KIF26B: variants seen among roughly 807,000 people sequenced by gnomAD.
KIF26B encodes the protein kinesin family member 26B, also known as kinesin-like protein KIF26B.
KIF26B carries 63 observed loss-of-function variants against 151.2 expected under a neutral mutation model. That is an observed-to-expected ratio of 0.42 (90% CI 0.34 to 0.51). The LOEUF (loss-of-function observed/expected upper bound fraction) is 0.51. Ranked by LOEUF, KIF26B falls within the 20% of genes least tolerant of loss-of-function variation. KIF26B has a pLI of 0.07. For missense variants in KIF26B, 2,813 were observed against 2,913.6 expected, an observed-to-expected ratio of 0.97 and a Z score of 0.79; for synonymous variants, 1,357 against 1,262.1, an observed-to-expected ratio of 1.08 and a Z score of -1.59.
At chr1:245,180,830 TTC>T (rs960331002) in intron 2 of KIF26B, among the ~76,000 whole-genome samples, 1 of 152,038 alleles carries the variant, frequency 6.6e-6, no homozygotes, top group Non-Finnish European at 1.5e-5. Flanking sequence ...TGCTGCAGGA[TTC>T]TTTTTGTTTT....
At position 245,661,646 on chromosome 1, in the gene KIF26B, AAT is replaced by A. The variant is rs1308229775; in HGVS notation, c.2258+15367_2258+15368del. Among the ~76,000 whole-genome samples the A allele has an allele frequency of 2.7e-5, 4 of 150,632 alleles. No homozygotes were observed. The East Asian group carries it at 7.8e-4, about 29-fold the overall frequency. On this transcript the variant is annotated intron_variant, in intron 10 of 14. Coordinates refer to ENST00000407071, the MANE Select transcript of KIF26B (RefSeq NM_018012.4). ...ACACACCCAATATATATATACACCC[AAT>A]GTTATATATAGACACACACACTCAA...
At chr1:245,466,852 G>T (rs1032980293) in intron 4 of KIF26B, among the ~76,000 whole-genome samples, 2 of 152,200 alleles carry the variant, frequency 1.3e-5, no homozygotes, top group African/African-American at 4.8e-5. Context: ...CTTGAACCCA[G>T]GGGACAGAGG....
intron 2 of KIF26B, among the ~76,000 whole-genome samples, chr1:245,306,192 C>T (rs12562582): frequency 0.066 from 10,069 of 152,154 alleles, 392 homozygotes; most frequent in Admixed American, 0.097. Context: ...GTGGCATGAT[C>T]TATATAATGG....
chr1:245,323,109 T>G (rs1020208340), intron 2 of KIF26B, among the ~76,000 whole-genome samples: 2 of 152,240 alleles, frequency 1.3e-5, no homozygotes, highest in Non-Finnish European at 2.9e-5. Flanking sequence ...GCCATTAATA[T>G]TTATGTTATA....
In KIF26B at chr1:245,512,042, A is replaced by T. The variant is rs553313089; in HGVS notation, c.1167-28725A>T. Among the ~76,000 whole-genome samples the T allele has an allele frequency of 6.6e-6, 1 of 152,174 alleles. No homozygotes were observed. Among genetic ancestry groups the T allele is most frequent in the Admixed American group, 6.5e-5 (1 of 15,268 alleles). On this transcript the variant is annotated intron_variant, in intron 4 of 14. Coordinates refer to ENST00000407071, the MANE Select transcript of KIF26B (RefSeq NM_018012.4). The surrounding 1 kb of genome is among the most constrained non-coding windows in gnomAD (Gnocchi z 4.3). The stretch of plus-strand genomic sequence containing the variant: ...GAGGAGGCTTTTAAGATCATAAATC[A>T]CTTAGGTAAGGTCATCAAAAGAGAT...
intron 4 of KIF26B, among the ~76,000 whole-genome samples, chr1:245,448,712 G>T (rs1659304385): frequency 6.6e-6 from 1 of 152,144 alleles, no homozygotes; most frequent in African/African-American, 2.4e-5. Context: ...CTCTCAGTTT[G>T]GTCTGGAGTT....
intron 2 of KIF26B, among the ~76,000 whole-genome samples, chr1:245,301,882 G>C (rs1278544465): frequency 1.3e-5 from 2 of 152,152 alleles, no homozygotes; most frequent in Non-Finnish European, 2.9e-5. Context: ...AGCCATTGTT[G>C]AGATGTGTAA....
rs144012489 is a variant in KIF26B at position 245,294,658 on chromosome 1, A to G, written c.466-72176A>G. Among the ~76,000 whole-genome samples, 671 of 152,060 alleles carry G rather than the reference A, an allele frequency of 4.4e-3. 3 individuals carry two copies. Among genetic ancestry groups the G allele is most frequent in the African/African-American group, 0.015 (636 of 41,480 alleles). On this transcript the variant is annotated intron_variant, in intron 2 of 14. Transcript: ENST00000407071. ...GAAAGGGTTCAGACTAGTTCTTATTATTATTACTTTTTTTTCCCTGAGACA... is the reference window on the plus strand; with the variant it reads ...GAAAGGGTTCAGACTAGTTCTTATTGTTATTACTTTTTTTTCCCTGAGACA...
At chr1:245,316,102 C>T (rs983581385) in intron 2 of KIF26B, among the ~76,000 whole-genome samples, 1 of 151,836 alleles carries the variant, frequency 6.6e-6, no homozygotes, top group African/African-American at 2.4e-5. Flanking sequence ...AGGAAAATTG[C>T]TGAGACTGAG....
rs138242980 is a variant in KIF26B at position 245,252,576 on chromosome 1, A to G, written c.465+95893A>G. Among the ~76,000 whole-genome samples the G allele has an allele frequency of 3.1e-4, 47 of 152,230 alleles. No homozygotes were observed. In the Middle Eastern group the frequency reaches 0.01, roughly 33 times the overall value. ...ACTGAACTCTTTTATTAAGTCTAAT[A>G]CCTTGTGGATCCTCTTGAATATTCC... On this transcript the variant is annotated intron_variant, in intron 2 of 14. Transcript: ENST00000407071.
In KIF26B at chr1:245,165,496, C is replaced by A. The variant is rs112738363; in HGVS notation, c.465+8813C>A. ...ATGGGCTCCTGTTGGCGCTCTAGAG[C>A]GGCTTCTGAGGTGGAGATATGGATC... On this transcript the variant is annotated intron_variant, in intron 2 of 14. Transcript: ENST00000407071. Among the ~76,000 whole-genome samples the A allele has an allele frequency of 2.6e-5, 4 of 152,116 alleles. No individual in the cohort carries two copies. The East Asian group carries it at 7.7e-4, about 29-fold the overall frequency.
At chr1:245,396,176 A>G (rs750642538) in intron 3 of KIF26B, among the ~76,000 whole-genome samples, 37 of 152,316 alleles carry the variant, frequency 2.4e-4, no homozygotes, top group Non-Finnish European at 4.7e-4. Context: ...AATCAAAAAC[A>G]TGGGATCAGT....
intron 4 of KIF26B, among the ~76,000 whole-genome samples, chr1:245,520,114 T>TGAGAGAGAGAGAGAGAGAGAGAGAGAGA (rs10650644): frequency 3.8e-5 from 5 of 132,520 alleles, no homozygotes; most frequent in African/African-American, 1.4e-4. Flanking sequence ...CTCAACTAAC[T>TGAGAGAGAGAGAGAGAGAGAGAGAGAGA]GAGAGAGAGA....
intron 2 of KIF26B, among the ~76,000 whole-genome samples, chr1:245,175,978 A>G (rs571999049): frequency 6.7e-6 from 1 of 148,520 alleles, no homozygotes; most frequent in African/African-American, 2.5e-5. Context: ...ATAGACATCT[A>G]TATATATAGA....
chr1:245,577,390 T>C (rs2043128646), intron 5 of KIF26B, among the ~76,000 whole-genome samples: 1 of 151,874 alleles, frequency 6.6e-6, no homozygotes, highest in Non-Finnish European at 1.5e-5. Context: ...ATCTGCCCTT[T>C]CCAGGTTGGG....
chr1:245,675,043 C>T (rs1273631693), intron 10 of KIF26B, among the ~76,000 whole-genome samples: 1 of 152,190 alleles, frequency 6.6e-6, no homozygotes, highest in Non-Finnish European at 1.5e-5. Flanking sequence ...ACGGAAAATA[C>T]TCATGGCTAC....
chr1:245,253,420 T>C (rs1362997570), intron 2 of KIF26B, among the ~76,000 whole-genome samples: 1 of 152,210 alleles, frequency 6.6e-6, no homozygotes, highest in African/African-American at 2.4e-5. Flanking sequence ...TAAAATATAT[T>C]GCTGGATTTG....
At chr1:245,445,393 A>G (rs976238811) in intron 4 of KIF26B, among the ~76,000 whole-genome samples, 1 of 152,204 alleles carries the variant, frequency 6.6e-6, no homozygotes, top group Non-Finnish European at 1.5e-5. Flanking sequence ...TCCTTTAGAG[A>G]TATAGACTAA....
chr1:245,183,792 G>A (rs1412171675), intron 2 of KIF26B, among the ~76,000 whole-genome samples: 1 of 152,172 alleles, frequency 6.6e-6, no homozygotes, highest in Non-Finnish European at 1.5e-5. Context: ...ACCTGCATGG[G>A]GTTGGGGAAC....
Sources: allele counts gnomAD v4.1 joint callset (sites outside exome capture counted in the v4.1 genomes callset), GRCh38; gene constraint gnomAD v4.1.1; non-coding constraint Gnocchi (gnomAD v3.1); transcripts MANE v1.5; gene names NCBI Gene and HGNC (gene_info 2026-07-23, HGNC 2026-07-21).